The following NUP153 variants were observed in gnomAD, a reference collection of about 807,000 sequenced individuals.
The protein encoded by NUP153 is nucleoporin 153, also known as nuclear pore complex protein Nup153.
In NUP153, 27 loss-of-function variants were observed where a neutral mutation model predicts 134.6. That is an observed-to-expected ratio of 0.20 (90% CI 0.15 to 0.28). The LOEUF is 0.28. Among genes scored for constraint, NUP153 ranks in the 10% least tolerant of loss-of-function variants. The pLI, the probability that NUP153 is intolerant of heterozygous loss-of-function variation, is 1.00. For synonymous variants in NUP153, 640 were observed against 623.5 expected (o/e 1.03, Z -0.40); for missense variants, 1,821 against 1,731.3 (o/e 1.05, Z -0.92).
At chr6:17,646,029 A>G in intron 14 of NUP153, 38 bp downstream of exon 14, 1 of 898,520 alleles carries the variant, frequency 1.1e-6, no homozygotes. Context: ...ACTGTATGCA[A>G]TTGTTTGTAT....
chr6:17,633,254 A>G (rs1303819997), intron 16 of NUP153, among the ~76,000 whole-genome samples: 2 of 152,226 alleles, frequency 1.3e-5, no homozygotes, highest in Non-Finnish European at 2.9e-5. Context: ...TAAGATGTAA[A>G]TTGTAGGCAA....
Position 17,637,535 on chromosome 6 carries a change from C to T in NUP153, c.2082G>A (p.Gln694=), listed in dbSNP as rs1765615415. 4 of 1,614,198 alleles carry T rather than the reference C, an allele frequency of 2.5e-6. No homozygotes were observed. The East Asian group carries it at 6.7e-5, about 27-fold the overall frequency. ...AKLSPRDTAK[Q]TGIETPNKSG... ...TTTTATTTGGTGTTTCAATTCCAGT[C>T]TGTTTAGCAGTATCTCTGGGTGACA... The change falls in exon 16 of 22, where the codon CAG becomes CAA. Residue 694 remains glutamine, a synonymous_variant. Coordinates refer to ENST00000262077, the MANE Select transcript of NUP153 (RefSeq NM_005124.4).
At chr6:17,693,828 G>A (rs1256723861) in intron 1 of NUP153, among the ~76,000 whole-genome samples, 1 of 152,154 alleles carries the variant, frequency 6.6e-6, no homozygotes, top group Non-Finnish European at 1.5e-5. Context: ...AGAGGTTGCA[G>A]TGAGCTGAGA....
At position 17,675,752 on chromosome 6, in the gene NUP153, GTACTA is replaced by G; in HGVS notation, c.348_352del (p.Ser117CysfsTer52). The G allele has an allele frequency of 1.2e-6, 2 of 1,613,476 alleles. No individual in the cohort carries two copies. The highest frequency in any genetic ancestry group is 1.7e-6 in the Non-Finnish European group (2 of 1,179,406). On this transcript the variant is annotated frameshift_variant, in exon 3 of 22. Coordinates refer to ENST00000262077, the MANE Select transcript of NUP153 (RefSeq NM_005124.4). LOFTEE classifies it high-confidence loss of function. The surrounding 1 kb of genome is among the most constrained non-coding windows in gnomAD (Gnocchi z 4.4). ...TAACACATCTGGATAATTTGAAGCA[GTACTA>G]GTTGTTGAAGGTTCTTAAAAGAAAA...
At chr6:17,646,206 T>C (rs979173650) in intron 13 of NUP153, 52 bp from the exon 14 acceptor site, 2 of 972,798 alleles carry the variant, frequency 2.1e-6, no homozygotes, top group African/African-American at 1.6e-5. Flanking sequence ...GTATCAAATA[T>C]AGAGCTTTTT....
Position 17,616,578 on chromosome 6 carries a change from G to A in NUP153, c.4292C>T (p.Ser1431Leu), listed in dbSNP as rs767521864. 6 of 1,614,146 alleles carry A rather than the reference G, an allele frequency of 3.7e-6. No individual in the cohort carries two copies. Among genetic ancestry groups the A allele is most frequent in the Middle Eastern group, 3.3e-4 (2 of 6,062 alleles). Residue 1431 changes from serine to leucine, a missense_variant, in exon 21 of 22, where the codon TCA (serine) becomes TTA (leucine). Coordinates refer to ENST00000262077, the MANE Select transcript of NUP153 (RefSeq NM_005124.4). The stretch of plus-strand genomic sequence containing the variant: ...GTTAAATGGAAAGCCCCCCGAGCCT[G>A]AAGGCTGGGCTGAGGCTGCAGGTGT... Reference protein sequence around the residue: ...SSTPAASAQPSGSGGFPFNQS... With the variant: ...SSTPAASAQPLGSGGFPFNQS...
rs1766276341 is a variant in NUP153, at chr6:17,647,744, T to G, written c.1632+63A>C. On this transcript the variant is annotated intron_variant, in intron 13 of 21. Transcript: ENST00000262077. The stretch of plus-strand genomic sequence containing the variant: ...CTCACCACCAGTGGCATCTTAGATT[T>G]GATAAAAATATAACATGGCTTTGAA... The G allele has an allele frequency of 2.8e-6, 3 of 1,063,548 alleles. No individual in the cohort carries two copies. The Admixed American group carries it at 5.9e-5, about 21-fold the overall frequency. The allele number at this position is 1,063,548 out of a possible 1,614,324, so 65.9% of individuals were successfully genotyped here. A position where few individuals can be genotyped will look rare whatever the true frequency, so the allele number is the denominator to read the frequency against.
chr6:17,702,602 G>A (rs1354384186), intron 1 of NUP153, among the ~76,000 whole-genome samples: 2 of 152,080 alleles, frequency 1.3e-5, no homozygotes, highest in African/African-American at 4.8e-5. Context: ...CTTGAACCCA[G>A]GAGGCAGAGG....
intron 11 of NUP153, among the ~76,000 whole-genome samples, chr6:17,650,281 C>G (rs1766436357): frequency 6.6e-6 from 1 of 152,126 alleles, no homozygotes; most frequent in African/African-American, 2.4e-5. Flanking sequence ...CACTGAATAC[C>G]TGAAGTTCTG....
rs771013915 is a variant in NUP153, at chr6:17,616,064, T to C, written c.*33A>G. On this transcript the variant is annotated 3_prime_UTR_variant, in exon 22 of 22. Coordinates refer to ENST00000262077, the MANE Select transcript of NUP153 (RefSeq NM_005124.4). The stretch of plus-strand genomic sequence containing the variant: ...GTATCTGAAAGCAGGGCACCAGCTG[T>C]TGTTAAAATTGAGTACAACACCAAT... The C allele has an allele frequency of 6.9e-7, 1 of 1,446,098 alleles. No homozygotes were observed. The highest frequency in any genetic ancestry group is 9.7e-7 in the Non-Finnish European group (1 of 1,027,026). 89.6% of individuals were successfully genotyped at this position (1,446,098 alleles called of 1,614,324 possible). A position where few individuals can be genotyped will look rare whatever the true frequency, so the allele number is the denominator to read the frequency against.
At chr6:17,622,486 T>G (rs1191586539) in intron 20 of NUP153, among the ~76,000 whole-genome samples, 2 of 152,270 alleles carry the variant, frequency 1.3e-5, no homozygotes, top group East Asian at 3.9e-4. Context: ...AAAAGGATTT[T>G]CTAACATCTT....
intron 20 of NUP153, among the ~76,000 whole-genome samples, chr6:17,617,759 C>T (rs1764412729): frequency 6.6e-6 from 1 of 151,978 alleles, no homozygotes; most frequent in African/African-American, 2.4e-5. Context: ...GTGGGAAGAT[C>T]TTCTGAGCCT....
At chr6:17,627,668 A>C (rs1435269002) in intron 18 of NUP153, among the ~76,000 whole-genome samples, 1 of 152,130 alleles carries the variant, frequency 6.6e-6, no homozygotes, top group Non-Finnish European at 1.5e-5. Context: ...GATTGTCTTT[A>C]TATTTAAACA....
rs1765669262 is a variant in NUP153 at position 17,638,380 on chromosome 6, C to T, written c.1847-610G>A. ...TTAACTTTTGTCTTACACACAACAC[C>T]ACCATCTGTGATCTGTTTCTCCAGC... On this transcript the variant is annotated intron_variant, in intron 15 of 21. Transcript: ENST00000262077. This position sits in a 1 kb window ranked among gnomAD's most constrained non-coding sequence, Gnocchi z 4.0. 6.6e-6 allele frequency among the ~76,000 whole-genome samples: 1 copy of T among 152,138 alleles called. No individual in the cohort carries two copies. The highest frequency in any genetic ancestry group is 1.5e-5 in the Non-Finnish European group (1 of 68,032).
rs1437054303 is a variant in NUP153 at position 17,706,188 on chromosome 6, C to A, written c.111+89G>T. On this transcript the variant is annotated intron_variant, in intron 1 of 21. Coordinates refer to ENST00000262077, the MANE Select transcript of NUP153 (RefSeq NM_005124.4). This position sits in a 1 kb window ranked among gnomAD's most constrained non-coding sequence, Gnocchi z 5.9. ...CTTTCCTCAGGCCCTCCTGTCTGCT[C>A]CACGTGGGGCGCCGGGGCCTCGAAC... 3.8e-6 allele frequency: 4 copies of A among 1,066,018 alleles called. No individual in the cohort carries two copies. In the African/African-American group the frequency reaches 6.2e-5, roughly 17 times the overall value. 66.0% of individuals were successfully genotyped at this position (1,066,018 alleles called of 1,614,324 possible). A position where few individuals can be genotyped will look rare whatever the true frequency, so the allele number is the denominator to read the frequency against.
chr6:17,701,915 A>G (rs1332107668), intron 1 of NUP153, among the ~76,000 whole-genome samples: 3 of 148,278 alleles, frequency 2.0e-5, no homozygotes, highest in Non-Finnish European at 4.4e-5. Flanking sequence ...GGAGTCCCTT[A>G]GCTCTAAACC....
intron 13 of NUP153, 117 bp from the exon 14 acceptor site, chr6:17,646,271 A>ATG (rs1766173355): frequency 2.0e-6 from 1 of 494,194 alleles, no homozygotes. Context: ...GCAGTGGCGC[A>ATG]ATCCTGGCTC....
chr6:17,705,213 T>C lies in NUP153; in HGVS notation c.111+1064A>G, dbSNP rs114940914. ...GTTATCAGATCCTTTTGCTACACTT[T>C]TGTTTTTCAACAAATTTAAGACACA... is the stretch of plus-strand genomic sequence containing the variant. On this transcript the variant is annotated intron_variant, in intron 1 of 21. Transcript: ENST00000262077. Among the ~76,000 whole-genome samples, 579 of 152,346 alleles carry C rather than the reference T, an allele frequency of 3.8e-3. 3 individuals are homozygous for C. Among genetic ancestry groups the C allele is most frequent in the Non-Finnish European group, 4.1e-3 (280 of 68,030 alleles).
Position 17,706,582 on chromosome 6 carries a change from G to A in NUP153, c.-195C>T, listed in dbSNP as rs1449862729. The stretch of plus-strand genomic sequence containing the variant: ...CGGAGAGAGGGTGAGTGCTGGCAGC[G>A]GGGAAGGGGGTGGCGGCCGCAGAGG... On this transcript the variant is annotated 5_prime_UTR_variant, in exon 1 of 22. Transcript: ENST00000262077. The surrounding 1 kb of genome is among the most constrained non-coding windows in gnomAD (Gnocchi z 5.9). The A allele has an allele frequency of 6.9e-6, 4 of 582,474 alleles. No homozygotes were observed. The highest frequency in any genetic ancestry group is 6.0e-5 in the East Asian group (2 of 33,156). 36.1% of individuals were successfully genotyped at this position (582,474 alleles called of 1,614,324 possible).
Sources: gnomAD v4.1 joint callset for allele counts (sites outside exome capture counted in the v4.1 genomes callset) on GRCh38, gnomAD v4.1.1 for gene constraint, Gnocchi (gnomAD v3.1) non-coding constraint, MANE v1.5 for transcripts, NCBI Gene and HGNC (gene_info 2026-07-23, HGNC 2026-07-21) for gene names.